The following VPS13C variants were observed in gnomAD, a reference collection of about 807,000 sequenced individuals.
VPS13C encodes intermembrane lipid transfer protein VPS13C.
Under a neutral mutation model 456.8 loss-of-function variants are expected in VPS13C, and 358 were observed. The observed-to-expected ratio is 0.78, with a 90% confidence interval of 0.72 to 0.86. The LOEUF (loss-of-function observed/expected upper bound fraction) is 0.86, where lower values mean the gene tolerates loss of function less well. Ranked by LOEUF, VPS13C falls within the 40% of genes least tolerant of loss-of-function variation. The probability of loss-of-function intolerance (pLI) is 0.00; values close to 1 mark genes in which losing one functional copy is unlikely to be tolerated. For missense variants in VPS13C, 4,818 were observed against 4,385.4 expected (o/e 1.10, Z -2.79); for synonymous variants, 1,578 against 1,486.7 (o/e 1.06, Z -1.41).
At chr15:61,887,234 T>C (rs1896336922) in intron 67 of VPS13C, among the ~76,000 whole-genome samples, 1 of 152,230 alleles carries the variant, frequency 6.6e-6, no homozygotes, top group Non-Finnish European at 1.5e-5. Flanking sequence ...AACTGCTTTC[T>C]TACATGCCAG....
chr15:62,028,953 C>T (rs779249865), intron 5 of VPS13C, among the ~76,000 whole-genome samples: 5 of 152,022 alleles, frequency 3.3e-5, no homozygotes, highest in Admixed American at 6.6e-5. Context: ...TCCAGTCTAT[C>T]CTAGACAACA....
intron 6 of VPS13C, among the ~76,000 whole-genome samples, chr15:62,026,042 T>C (rs941474594): frequency 1.1e-5 from 1 of 90,460 alleles, no homozygotes; most frequent in Admixed American, 1.4e-4. Context: ...TGGATTAGCA[T>C]ATCTGCTTCT....
rs1596275545 is a variant in VPS13C at position 61,872,007 on chromosome 15, T to C, written c.10606A>G (p.Ile3536Val). 1 of 1,612,660 alleles carries C rather than the reference T, an allele frequency of 6.2e-7. No homozygotes were observed. The highest frequency in any genetic ancestry group is 1.3e-5 in the African/African-American group (1 of 74,986). The change falls in exon 79 of 85, where the codon ATA becomes GTA. Residue 3536 changes from isoleucine to valine, a missense_variant. Physicochemically the swap from Ile to Val is conservative, Grantham distance 29 (BLOSUM62 3). This residue lies in a region of VPS13C where 4,552 missense variants were observed against 4,130.6 expected (regional missense o/e 1.10). Transcript: ENST00000644861. ...AACATACCTTCCACAGGTTTTGTTA[T>C]TATTCCAGTCACTCCACCAACAACT... Reference protein sequence around the residue: ...RGVVGGVTGIITKPVEGAKKE... With the variant: ...RGVVGGVTGIVTKPVEGAKKE...
Position 61,920,350 on chromosome 15 carries a change from T to C in VPS13C, c.7213-19A>G. The C allele has an allele frequency of 6.4e-7, 1 of 1,553,482 alleles. No homozygotes were observed. The highest frequency in any genetic ancestry group is 8.7e-7 in the Non-Finnish European group (1 of 1,149,728). On this transcript the variant is annotated intron_variant, in intron 56 of 84. Coordinates refer to ENST00000644861, the MANE Select transcript of VPS13C (RefSeq NM_020821.3). ...AAAAACCCTGAAAAGGAACATATCA[T>C]CACAGTAAAATTTTTGAAAAACATA... is the stretch of plus-strand genomic sequence containing the variant.
chr15:61,931,711 G>C (rs1308331458), intron 49 of VPS13C, among the ~76,000 whole-genome samples: 1 of 151,410 alleles, frequency 6.6e-6, no homozygotes, highest in Non-Finnish European at 1.5e-5. Context: ...CGAGTAGCTG[G>C]GATTACAGGC....
At position 61,868,000 on chromosome 15, in the gene VPS13C, G is replaced by C. The variant is rs1894711423; in HGVS notation, c.10863+659C>G. On this transcript the variant is annotated intron_variant, in intron 81 of 84. Transcript: ENST00000644861. The surrounding 1 kb of genome is among the most constrained non-coding windows in gnomAD (Gnocchi z 5.0). ...AAAGTTAGAAGCATGCAGAAAGATA[G>C]ATAAAACGTAATCATATACAATAAA... 9.9e-6 allele frequency: 12 copies of C among 1,217,036 alleles called. No individual in the cohort carries two copies. In the East Asian group the frequency reaches 1.9e-4, roughly 19 times the overall value. The allele number at this position is 1,217,036 out of a possible 1,614,324, so 75.4% of individuals were successfully genotyped here. A position where few individuals can be genotyped will look rare whatever the true frequency, so the allele number is the denominator to read the frequency against.
chr15:61,961,033 A>C (rs1204313264), intron 35 of VPS13C, among the ~76,000 whole-genome samples: 1 of 151,754 alleles, frequency 6.6e-6, no homozygotes, highest in African/African-American at 2.4e-5. Context: ...GTGAGCCAAG[A>C]CTGCACCATT....
At chr15:62,006,120 A>G (rs2046834241) in intron 15 of VPS13C, among the ~76,000 whole-genome samples, 1 of 148,406 alleles carries the variant, frequency 6.7e-6, no homozygotes, top group Admixed American at 6.7e-5. Context: ...TATTATTATT[A>G]TACTTTAAGT....
intron 3 of VPS13C, among the ~76,000 whole-genome samples, chr15:62,037,246 A>AT (rs1476340642): frequency 3.9e-5 from 1 of 25,732 alleles, no homozygotes; most frequent in Non-Finnish European, 7.2e-5. Context: ...AAATATATAT[A>AT]ATATATTTAT....
At chr15:61,882,381 C>G (rs1314426070) in intron 69 of VPS13C, among the ~76,000 whole-genome samples, 2 of 152,032 alleles carry the variant, frequency 1.3e-5, no homozygotes, top group African/African-American at 4.8e-5. Context: ...GCAAGAAAAC[C>G]CTTTTGCAGG....
chr15:61,917,288 T>A (rs2043501974), intron 60 of VPS13C, 53 bp downstream of exon 60: 8 of 1,552,612 alleles, frequency 5.2e-6, no homozygotes, highest in Non-Finnish European at 7.0e-6. Flanking sequence ...TAAAACAAAA[T>A]CAGAATTTAC....
intron 3 of VPS13C, among the ~76,000 whole-genome samples, chr15:62,036,746 C>G (rs915765644): frequency 6.6e-6 from 1 of 151,932 alleles, no homozygotes; most frequent in African/African-American, 2.4e-5. Flanking sequence ...TACATTTATA[C>G]TAATTATCCC....
intron 8 of VPS13C, 85 bp downstream of exon 8, chr15:62,023,326 G>A: frequency 1.3e-6 from 1 of 787,662 alleles, no homozygotes. Context: ...TTTAAAAATG[G>A]GCACAGATAA....
rs1392658165 is a variant in VPS13C at position 61,962,788 on chromosome 15, A to C, written c.3396T>G (p.Ile1132Met). Residue 1132 changes from isoleucine to methionine, a missense_variant, in exon 33 of 85, where the codon ATT becomes ATG. This residue lies in a region of VPS13C where 4,552 missense variants were observed against 4,130.6 expected (regional missense o/e 1.10). Transcript: ENST00000644861. Reference sequence around the variant, plus strand: ...TCTTTGGATCAACATCTGTGACAATAATATTTTCTAGTCGGGCAAAAAGTG... The same window carrying C: ...TCTTTGGATCAACATCTGTGACAATCATATTTTCTAGTCGGGCAAAAAGTG... ...KQSLFARLEN[I>M]IVTDVDPKTV... 6.2e-7 allele frequency: 1 copy of C among 1,607,996 alleles called. No individual in the cohort carries two copies. The highest frequency in any genetic ancestry group is 8.5e-7 in the Non-Finnish European group (1 of 1,176,224).
At chr15:61,930,985 A>G (rs1392956521) in intron 50 of VPS13C, 105 bp downstream of exon 50, 6 of 1,345,874 alleles carry the variant, frequency 4.5e-6, no homozygotes, top group African/African-American at 1.4e-5. Context: ...TATGACCAAA[A>G]GACAGAGATC....
At chr15:61,905,930 T>C (rs1159332143) in intron 66 of VPS13C, among the ~76,000 whole-genome samples, 1 of 152,192 alleles carries the variant, frequency 6.6e-6, no homozygotes, top group Non-Finnish European at 1.5e-5. Flanking sequence ...ATAGTTGTCA[T>C]GTCTTTATAA....
Position 61,907,445 on chromosome 15 carries a change from A to G in VPS13C, c.8979-55T>C, listed in dbSNP as rs189422975. On this transcript the variant is annotated intron_variant, in intron 65 of 84. Transcript: ENST00000644861. ...GAATATCTTGGAGATAAGAAACCCA[A>G]ACCTGTAGTTTACTGAGGAAGGGAT... 2.3e-4 allele frequency: 367 copies of G among 1,586,720 alleles called. 2 individuals are homozygous for G. In the Middle Eastern group the frequency reaches 0.011, roughly 48 times the overall value.
intron 49 of VPS13C, among the ~76,000 whole-genome samples, chr15:61,933,159 G>C (rs530057222): frequency 2.0e-5 from 3 of 152,276 alleles, no homozygotes; most frequent in East Asian, 3.9e-4. Context: ...GCATCTCAAT[G>C]AATAAGGAAG....
At chr15:62,000,076 A>C (rs916562883) in intron 16 of VPS13C, among the ~76,000 whole-genome samples, 6 of 152,110 alleles carry the variant, frequency 3.9e-5, no homozygotes, top group African/African-American at 1.2e-4. Flanking sequence ...AAAATTTTCT[A>C]AGTGGCCAGG....
Sources: allele counts gnomAD v4.1 joint callset (sites outside exome capture counted in the v4.1 genomes callset), GRCh38; gene constraint gnomAD v4.1.1; regional missense constraint gnomAD v4.1.1; non-coding constraint Gnocchi (gnomAD v3.1); transcripts MANE v1.5; gene names NCBI Gene and HGNC (gene_info 2026-07-23, HGNC 2026-07-21).